Variants in SLC35F3 observed in about 807,000 individuals in gnomAD.
SLC35F3 encodes the protein putative thiamine transporter SLC35F3.
SLC35F3 carries 25 observed loss-of-function variants against 49.9 expected under a neutral mutation model. That is an observed-to-expected ratio of 0.50 (90% CI 0.37 to 0.70). The LOEUF is 0.70. Ranked by LOEUF, SLC35F3 falls within the 30% of genes least tolerant of loss-of-function variation. SLC35F3 has a pLI of 0.00. For missense variants in SLC35F3, 525 were observed against 639.8 expected (o/e 0.82, Z 1.94); for synonymous variants, 275 against 265.4 (o/e 1.04, Z -0.35).
chr1:233,958,137 C>T (rs1228263291), intron 2 of SLC35F3, among the ~76,000 whole-genome samples: 1 of 152,232 alleles, frequency 6.6e-6, no homozygotes, highest in African/African-American at 2.4e-5. Flanking sequence ...CTGCTGCCTT[C>T]ACCACACTGA....
intron 2 of SLC35F3, among the ~76,000 whole-genome samples, chr1:234,037,076 A>G (rs1664153578): frequency 6.6e-6 from 1 of 152,204 alleles, no homozygotes; most frequent in Non-Finnish European, 1.5e-5. Context: ...TTGTGTTGCT[A>G]TAAAGGAATA....
At chr1:233,969,931 C>T (rs1662966113) in intron 2 of SLC35F3, among the ~76,000 whole-genome samples, 1 of 152,206 alleles carries the variant, frequency 6.6e-6, no homozygotes, top group African/African-American at 2.4e-5. Flanking sequence ...ATTCTCTCTC[C>T]TCTCTGAGTA....
Position 233,905,114 on chromosome 1 carries a change from G to A in SLC35F3, c.37G>A (p.Gly13Ser), listed in dbSNP as rs1302015597. The A allele has an allele frequency of 3.8e-6, 6 of 1,561,314 alleles. No homozygotes were observed. In the Admixed American group the frequency reaches 7.7e-5, roughly 20 times the overall value. Reference protein sequence around the residue: ...IREFPSGAPRGKSIAVGMRRS... With the variant: ...IREFPSGAPRSKSIAVGMRRS... ...AGAGTTTCCCAGCGGCGCACCCAGG[G>A]GCAAGAGCATTGCCGTGTGAGTAGC... is the stretch of plus-strand genomic sequence containing the variant. Residue 13 changes from glycine (G) to serine (S), a missense_variant, in exon 1 of 8, where the codon GGC (glycine) becomes AGC (serine). By Grantham distance (56) the Gly-to-Ser change is moderately conservative. This residue lies in a region of SLC35F3 where 228 missense variants were observed against 218.9 expected (regional missense o/e 1.04). Transcript: ENST00000366618.
chr1:234,222,932 T>C lies in SLC35F3; in HGVS notation c.284-8485T>C, dbSNP rs73110466. Among the ~76,000 whole-genome samples, 673 of 152,114 alleles carry C rather than the reference T, an allele frequency of 4.4e-3. 8 individuals are homozygous for C. Among genetic ancestry groups the C allele is most frequent in the African/African-American group, 0.015 (630 of 41,496 alleles). ...CATCATGTGCCCAGGCCACAGAAAA[T>C]GGTGAAATTCCAGGAGGCTGCACAA... On this transcript the variant is annotated intron_variant, in intron 2 of 7. Coordinates refer to ENST00000366618, the MANE Select transcript of SLC35F3 (RefSeq NM_173508.4).
chr1:234,281,605 A>G (rs1668326842), intron 3 of SLC35F3, among the ~76,000 whole-genome samples: 1 of 152,236 alleles, frequency 6.6e-6, no homozygotes, highest in Non-Finnish European at 1.5e-5. Flanking sequence ...AATAGCTGGT[A>G]GTTTAAAATA....
intron 2 of SLC35F3, among the ~76,000 whole-genome samples, chr1:233,978,461 G>T (rs546918255): frequency 1.3e-5 from 2 of 152,178 alleles, no homozygotes; most frequent in Non-Finnish European, 2.9e-5. Context: ...AAAGAACCTG[G>T]TTGTTACCTA....
chr1:233,913,253 A>G (rs1374695101), intron 2 of SLC35F3, among the ~76,000 whole-genome samples: 2 of 152,212 alleles, frequency 1.3e-5, no homozygotes, highest in Non-Finnish European at 2.9e-5. Context: ...TTAGAACATC[A>G]TGGGGCAGGA....
chr1:234,240,873 T>C (rs1667544843), intron 3 of SLC35F3, among the ~76,000 whole-genome samples: 1 of 152,172 alleles, frequency 6.6e-6, no homozygotes, highest in Admixed American at 6.5e-5. Flanking sequence ...TTGGCAGAGA[T>C]GAACTTTGAG....
Position 234,020,121 on chromosome 1 carries a change from A to G in SLC35F3, c.283+114363A>G, listed in dbSNP as rs563349221. On this transcript the variant is annotated intron_variant, in intron 2 of 7. Transcript: ENST00000366618. ...AAGCCATGTGGGTAAGCTGCACGCC[A>G]TTCCATCCCACACAAAAAAAAAAAT... Among the ~76,000 whole-genome samples the G allele has an allele frequency of 2.0e-3, 303 of 151,258 alleles. 2 individuals carry two copies. Among genetic ancestry groups the G allele is most frequent in the Non-Finnish European group, 1.1e-3 (75 of 67,890 alleles).
In SLC35F3 at chr1:234,108,281, T is replaced by TATTTATATATATAAAAGATATATA. The variant is rs1185374095; in HGVS notation, c.284-123136_284-123135insATTTATATATATAAAAGATATATA. ...TATTTATATATATAAAAGATATATATTATTTATATATAAAGATATATATTT... is the reference window on the plus strand; with the variant it reads ...TATTTATATATATAAAAGATATATATATTTATATATATAAAAGATATATATATTTATATATAAAGATATATATTT... On this transcript the variant is annotated intron_variant, in intron 2 of 7. Coordinates refer to ENST00000366618, the MANE Select transcript of SLC35F3 (RefSeq NM_173508.4). 2.5e-4 allele frequency among the ~76,000 whole-genome samples: 12 copies of TATTTATATATATAAAAGATATATA among 47,258 alleles called. 1 individual carries two copies. The highest frequency in any genetic ancestry group is 1.1e-3 in the East Asian group (2 of 1,806). 31.0% of individuals were successfully genotyped at this position (47,258 alleles called of 152,430 possible). A position where few individuals can be genotyped will look rare whatever the true frequency, so the allele number is the denominator to read the frequency against.
chr1:234,050,050 G>A (rs1664351776), intron 2 of SLC35F3, among the ~76,000 whole-genome samples: 1 of 152,176 alleles, frequency 6.6e-6, no homozygotes, highest in South Asian at 2.1e-4. Flanking sequence ...ATGGACATTT[G>A]GGTTGGTTCC....
At chr1:233,962,726 A>G (rs1192295888) in intron 2 of SLC35F3, among the ~76,000 whole-genome samples, 1 of 152,208 alleles carries the variant, frequency 6.6e-6, no homozygotes, top group Non-Finnish European at 1.5e-5. Context: ...AATAATTCCT[A>G]ATTGAGCATA....
chr1:234,259,685 A>T (rs938842718), intron 3 of SLC35F3, among the ~76,000 whole-genome samples: 5 of 151,164 alleles, frequency 3.3e-5, no homozygotes, highest in African/African-American at 1.2e-4. Context: ...AATAATAATA[A>T]TGATAATAAT....
intron 2 of SLC35F3, among the ~76,000 whole-genome samples, chr1:234,204,997 T>C (rs1313895612): frequency 3.3e-5 from 5 of 152,246 alleles, no homozygotes; most frequent in Admixed American, 6.5e-5. Context: ...CTAGTGCAAT[T>C]TCTTATGAAT....
intron 2 of SLC35F3, among the ~76,000 whole-genome samples, chr1:234,113,122 G>C (rs887351416): frequency 1.3e-5 from 2 of 152,166 alleles, no homozygotes; most frequent in Non-Finnish European, 2.9e-5. Context: ...TAATATATGT[G>C]CTGTGCTTAA....
chr1:234,068,858 G>GATATATATCT (rs1664662369), intron 2 of SLC35F3, among the ~76,000 whole-genome samples: 1 of 49,256 alleles, frequency 2.0e-5, no homozygotes, highest in Non-Finnish European at 3.9e-5. Flanking sequence ...TATATATATG[G>GATATATATCT]CATATTTATA....
chr1:234,114,168 C>T (rs1332177519), intron 2 of SLC35F3, among the ~76,000 whole-genome samples: 1 of 152,180 alleles, frequency 6.6e-6, no homozygotes, highest in Non-Finnish European at 1.5e-5. Context: ...TCCAGCACAC[C>T]ACTGCATGCC....
chr1:233,924,003 C>T (rs897228760), intron 2 of SLC35F3, among the ~76,000 whole-genome samples: 7 of 152,236 alleles, frequency 4.6e-5, no homozygotes, highest in African/African-American at 1.7e-4. Flanking sequence ...CCAACTCGAT[C>T]GTGGTGGATA....
chr1:233,916,338 G>A (rs1235602284), intron 2 of SLC35F3, among the ~76,000 whole-genome samples: 5 of 152,102 alleles, frequency 3.3e-5, no homozygotes, highest in African/African-American at 7.2e-5. Flanking sequence ...CACAATCATC[G>A]CTCACTGCAG....
Sources: gnomAD v4.1 joint callset for allele counts (sites outside exome capture counted in the v4.1 genomes callset) on GRCh38, gnomAD v4.1.1 for gene constraint, gnomAD v4.1.1 regional missense constraint, MANE v1.5 for transcripts, NCBI Gene and HGNC (gene_info 2026-07-23, HGNC 2026-07-21) for gene names.